GABRB2: variants seen among roughly 807,000 people sequenced by gnomAD.
GABRB2 encodes gamma-aminobutyric acid receptor subunit beta-2.
GABRB2 carries 16 observed loss-of-function variants against 54.7 expected under a neutral mutation model. The observed-to-expected ratio is 0.29, with a 90% CI of 0.20 to 0.44. GABRB2 has a LOEUF of 0.44. GABRB2 is among the 20% of genes least tolerant of loss of function. GABRB2 has a pLI of 1.00. For synonymous variants in GABRB2, 244 were observed against 233.8 expected, an observed-to-expected ratio of 1.04 and a Z score of -0.40; for missense variants, 355 against 644.0, an observed-to-expected ratio of 0.55 and a Z score of 4.86.
chr5:161,499,193 G>A (rs530250264), intron 3 of GABRB2, among the ~76,000 whole-genome samples: 69 of 152,164 alleles, frequency 4.5e-4, no homozygotes, highest in Middle Eastern at 3.4e-3. Flanking sequence ...CCCACTGCCA[G>A]GTGTTGGGGC....
At chr5:161,336,077 A>G (rs537244808) in intron 6 of GABRB2, among the ~76,000 whole-genome samples, 1 of 152,298 alleles carries the variant, frequency 6.6e-6, no homozygotes, top group East Asian at 1.9e-4. Context: ...TGACCATATA[A>G]AATCTCCATG....
chr5:161,436,911 C>T (rs1179222959), intron 4 of GABRB2, among the ~76,000 whole-genome samples: 1 of 152,144 alleles, frequency 6.6e-6, no homozygotes, highest in Non-Finnish European at 1.5e-5. Flanking sequence ...CCAAACTCAG[C>T]TGATACTTGC....
rs1308753712 is a variant in GABRB2 at position 161,315,602 on chromosome 5, T to C, written c.1191+10766A>G. Among the ~76,000 whole-genome samples the C allele has an allele frequency of 5.3e-5, 8 of 152,310 alleles. No individual in the cohort carries two copies. In the East Asian group the frequency reaches 1.5e-3, roughly 29 times the overall value. ...ATTACTTTACAACTTAGAAAATATATAATTTGCATTCTAATTTATCCAGTG... is the reference window on the plus strand; with the variant it reads ...ATTACTTTACAACTTAGAAAATATACAATTTGCATTCTAATTTATCCAGTG... On this transcript the variant is annotated intron_variant, in intron 9 of 9. Transcript: ENST00000393959.
intron 3 of GABRB2, among the ~76,000 whole-genome samples, chr5:161,527,101 G>A (rs552470212): frequency 3.3e-5 from 5 of 151,474 alleles, no homozygotes; most frequent in South Asian, 2.1e-4. Context: ...TACATTTAAC[G>A]TTAGAGTAAT....
intron 9 of GABRB2, among the ~76,000 whole-genome samples, chr5:161,310,490 C>G (rs1468532623): frequency 2.0e-5 from 3 of 152,194 alleles, no homozygotes; most frequent in Non-Finnish European, 4.4e-5. Context: ...GCTTGTTTCT[C>G]TCTCTCTCTT....
At chr5:161,450,580 G>A (rs1408316200) in intron 4 of GABRB2, among the ~76,000 whole-genome samples, 1 of 152,030 alleles carries the variant, frequency 6.6e-6, no homozygotes, top group African/African-American at 2.4e-5. Context: ...TCCAGCAGTA[G>A]CAGTAGCAAC....
intron 4 of GABRB2, among the ~76,000 whole-genome samples, chr5:161,441,889 T>C (rs1296036628): frequency 6.6e-6 from 1 of 152,022 alleles, no homozygotes; most frequent in African/African-American, 2.4e-5. Flanking sequence ...ATTTGGGGAA[T>C]CCAAAAATCA....
intron 5 of GABRB2, among the ~76,000 whole-genome samples, chr5:161,397,153 C>T (rs1756027364): frequency 6.6e-6 from 1 of 152,192 alleles, no homozygotes; most frequent in Non-Finnish European, 1.5e-5. Context: ...ATGACCTTCA[C>T]TTAAAGCACT....
At chr5:161,502,139 A>G (rs528400984) in intron 3 of GABRB2, among the ~76,000 whole-genome samples, 1 of 151,530 alleles carries the variant, frequency 6.6e-6, no homozygotes, top group South Asian at 2.1e-4. Context: ...TCATAACGTT[A>G]GGAAAACCTA....
At chr5:161,471,551 TC>T (rs1758438913) in intron 3 of GABRB2, among the ~76,000 whole-genome samples, 1 of 152,014 alleles carries the variant, frequency 6.6e-6, no homozygotes. Flanking sequence ...CTAATTATTT[TC>T]TTGTATGTGA....
At chr5:161,416,748 T>C (rs550617741) in intron 4 of GABRB2, among the ~76,000 whole-genome samples, 3 of 120,360 alleles carry the variant, frequency 2.5e-5, no homozygotes, top group African/African-American at 8.4e-5. Flanking sequence ...ACCCTAACTA[T>C]ATTCAAAACA....
chr5:161,536,242 A>C (rs529669108), intron 3 of GABRB2, among the ~76,000 whole-genome samples: 1 of 152,132 alleles, frequency 6.6e-6, no homozygotes, highest in Non-Finnish European at 1.5e-5. Flanking sequence ...GCGCTGTACG[A>C]AAGTTCAGGA....
intron 3 of GABRB2, 95 bp downstream of exon 3, chr5:161,545,132 C>G (rs1334694659): frequency 1.1e-6 from 1 of 870,238 alleles, no homozygotes; most frequent in Non-Finnish European, 1.8e-6. Context: ...ATACACATAG[C>G]CAAGCACACC....
At chr5:161,451,343 G>A (rs1757782450) in intron 4 of GABRB2, among the ~76,000 whole-genome samples, 1 of 152,128 alleles carries the variant, frequency 6.6e-6, no homozygotes, top group Admixed American at 6.5e-5. Flanking sequence ...AAGTCAAGGT[G>A]TCCCCCCTTA....
At chr5:161,457,853 T>G (rs1758005364) in intron 4 of GABRB2, among the ~76,000 whole-genome samples, 1 of 152,168 alleles carries the variant, frequency 6.6e-6, no homozygotes, top group African/African-American at 2.4e-5. Context: ...CTATTTACAG[T>G]GTAGGTGCTT....
intron 5 of GABRB2, among the ~76,000 whole-genome samples, chr5:161,349,069 G>A (rs571738499): frequency 3.2e-4 from 49 of 151,954 alleles, no homozygotes; most frequent in African/African-American, 1.1e-3. Flanking sequence ...CATTAGTGCC[G>A]GCCAAGAAGT....
intron 5 of GABRB2, among the ~76,000 whole-genome samples, chr5:161,363,149 C>T (rs1375094407): frequency 1.3e-5 from 2 of 152,136 alleles, no homozygotes; most frequent in African/African-American, 4.8e-5. Context: ...CAACGATAGA[C>T]TGGATAAAGA....
At chr5:161,358,774 G>A (rs1159625198) in intron 5 of GABRB2, among the ~76,000 whole-genome samples, 2 of 152,160 alleles carry the variant, frequency 1.3e-5, no homozygotes, top group Admixed American at 1.3e-4. Flanking sequence ...TGAGAATGCA[G>A]AAAGAGGTGT....
chr5:161,413,661 C>T (rs1320236022), intron 4 of GABRB2, among the ~76,000 whole-genome samples: 3 of 152,054 alleles, frequency 2.0e-5, no homozygotes, highest in Admixed American at 2.0e-4. Flanking sequence ...AAATTAGGTA[C>T]ATGATGGGCA....
Sources: allele counts gnomAD v4.1 joint callset (sites outside exome capture counted in the v4.1 genomes callset), GRCh38; gene constraint gnomAD v4.1.1; transcripts MANE v1.5; gene names NCBI Gene and HGNC (gene_info 2026-07-23, HGNC 2026-07-21).